The following GANC variants were observed in gnomAD, a reference collection of about 807,000 sequenced individuals.
GANC encodes neutral alpha-glucosidase C.
GANC carries 117 observed loss-of-function variants against 124.2 expected under a neutral mutation model. The ratio of observed to expected loss-of-function variants is 0.94; its 90% confidence interval spans 0.81 to 1.10. The LOEUF (loss-of-function observed/expected upper bound fraction) is 1.10. GANC is among the 50% of genes least tolerant of loss of function. The pLI, the probability that GANC is intolerant of heterozygous loss-of-function variation, is 0.00. For synonymous variants in GANC, 377 were observed against 376.8 expected, an observed-to-expected ratio of 1.00 and a Z score of -0.01; for missense variants, 1,140 against 1,095.0, an observed-to-expected ratio of 1.04 and a Z score of -0.58.
At chr15:42,342,371 G>A (rs1191083927) in intron 18 of GANC, among the ~76,000 whole-genome samples, 1 of 152,074 alleles carries the variant, frequency 6.6e-6, no homozygotes, top group African/African-American at 2.4e-5. Flanking sequence ...CGCTTAAATT[G>A]AGGAGTTTGA....
rs768144382 is a variant in GANC, at chr15:42,352,060, A to G, written c.2666A>G (p.Tyr889Cys). The change falls in exon 24 of 24, where the codon TAT becomes TGT. Residue 889 changes from tyrosine (Y) to cysteine (C), a missense_variant. Transcript: ENST00000318010. ...AAAGATCAGCCTGTGGCTTTTACGT[A>G]TTGTGCCAAAACATCCATCCTGAGC... ...DGKDQPVAFT[Y>C]CAKTSILSLE... The G allele has an allele frequency of 3.1e-6, 5 of 1,614,118 alleles. No individual in the cohort carries two copies. Among genetic ancestry groups the G allele is most frequent in the Non-Finnish European group, 3.4e-6 (4 of 1,180,004 alleles).
At chr15:42,288,799 T>C (rs1230269732) in intron 4 of GANC, among the ~76,000 whole-genome samples, 1 of 152,182 alleles carries the variant, frequency 6.6e-6, no homozygotes, top group Admixed American at 6.5e-5. Flanking sequence ...GTTGGGGTTA[T>C]CGGCATGAGC....
intron 5 of GANC, among the ~76,000 whole-genome samples, chr15:42,296,302 A>G (rs950680122): frequency 3.3e-5 from 5 of 152,134 alleles, no homozygotes; most frequent in Non-Finnish European, 2.9e-5. Context: ...TGGTGTTAGC[A>G]TAGTATATCT....
chr15:42,345,283 C>A (rs1332523772), intron 19 of GANC, among the ~76,000 whole-genome samples: 2 of 148,308 alleles, frequency 1.3e-5, no homozygotes, highest in African/African-American at 4.9e-5. Context: ...ATGTTTCCTT[C>A]TCTGATGCTT....
intron 11 of GANC, among the ~76,000 whole-genome samples, chr15:42,324,444 G>A: frequency 6.6e-6 from 1 of 152,094 alleles, no homozygotes; most frequent in Non-Finnish European, 1.5e-5. Context: ...TATACCCAAA[G>A]GAACTGGAAG....
chr15:42,313,659 A>G (rs1349913369), intron 10 of GANC: 1 of 176,228 alleles, frequency 5.7e-6, no homozygotes, highest in Admixed American at 5.8e-5. Flanking sequence ...TGGGCACCAT[A>G]TCACAGAGCA....
At chr15:42,305,912 G>C (rs1019477053) in intron 6 of GANC, among the ~76,000 whole-genome samples, 4 of 152,014 alleles carry the variant, frequency 2.6e-5, no homozygotes. Context: ...ATGGACACAG[G>C]GAGGGGAACA....
In GANC at chr15:42,321,829, T is replaced by C; in HGVS notation, c.1102T>C (p.Cys368Arg). The C allele has an allele frequency of 1.2e-6, 2 of 1,614,208 alleles. No individual in the cohort carries two copies. Among genetic ancestry groups the C allele is most frequent in the Non-Finnish European group, 1.7e-6 (2 of 1,180,028 alleles). The change falls in exon 11 of 24, where the codon TGC (cysteine) becomes CGC (arginine). Residue 368 changes from cysteine (C) to arginine (R), a missense_variant. By Grantham distance (180) the Cys-to-Arg change is radical. Coordinates refer to ENST00000318010, the MANE Select transcript of GANC (RefSeq NM_198141.3). ...TCTTTTCTCTTTGGGATACCACCAG[T>C]GCCGCTGGAACTATGAAGATGAGCA... ...PPLFSLGYHQ[C>R]RWNYEDEQDV... is the part of the protein sequence containing the mutation.
intron 3 of GANC, among the ~76,000 whole-genome samples, chr15:42,278,868 G>A (rs994023850): frequency 6.6e-6 from 1 of 152,058 alleles, no homozygotes; most frequent in Non-Finnish European, 1.5e-5. Context: ...AGTGGTGTAT[G>A]CCTGTAGTCC....
Position 42,310,327 on chromosome 15 carries a change from A to T in GANC, c.767A>T (p.Tyr256Phe), listed in dbSNP as rs1385435184. The T allele has an allele frequency of 6.2e-7, 1 of 1,612,738 alleles. No homozygotes were observed. The highest frequency in any genetic ancestry group is 1.3e-5 in the African/African-American group (1 of 74,914). ...YRLYNLDVYG[Y>F]QIYDKMGIYG... The stretch of plus-strand genomic sequence containing the variant: ...CTTTATAACCTGGATGTCTATGGAT[A>T]CCAAATATATGATAAAATGGGCATT... Residue 256 changes from tyrosine (Y) to phenylalanine (F), a missense_variant, in exon 9 of 24, where the codon TAC becomes TTC. Physicochemically the swap from Tyr to Phe is conservative, Grantham distance 22. Transcript: ENST00000318010.
At chr15:42,295,995 T>A (rs1415645136) in intron 5 of GANC, among the ~76,000 whole-genome samples, 2 of 151,918 alleles carry the variant, frequency 1.3e-5, no homozygotes, top group East Asian at 1.9e-4. Context: ...TACAAAAAAA[T>A]TAGCTAGGCA....
At chr15:42,292,528 C>T (rs147795345) in intron 4 of GANC, among the ~76,000 whole-genome samples, 28 of 151,870 alleles carry the variant, frequency 1.8e-4, no homozygotes, top group Non-Finnish European at 3.8e-4. Flanking sequence ...CTTTGTTATC[C>T]GAAGTTATAA....
intron 15 of GANC, among the ~76,000 whole-genome samples, chr15:42,332,713 C>T (rs2052255585): frequency 6.6e-6 from 1 of 151,800 alleles, no homozygotes; most frequent in Non-Finnish European, 1.5e-5. Context: ...AGAACAATCC[C>T]TGGAAAATAT....
intron 15 of GANC, 142 bp downstream of exon 15, chr15:42,330,814 G>A: frequency 1.8e-6 from 1 of 568,786 alleles, no homozygotes; most frequent in Non-Finnish European, 2.9e-6. Context: ...TTGAAACAGA[G>A]TCTCGCTTTG....
intron 8 of GANC, 89 bp downstream of exon 8, chr15:42,308,407 A>G: frequency 1.2e-6 from 1 of 811,464 alleles, no homozygotes; most frequent in Non-Finnish European, 2.1e-6. Flanking sequence ...AGCCAGTGCT[A>G]ATATGTGCCA....
At chr15:42,275,211 C>CA (rs2141007416) in intron 1 of GANC, among the ~76,000 whole-genome samples, 1 of 152,174 alleles carries the variant, frequency 6.6e-6, no homozygotes, top group Non-Finnish European at 1.5e-5. Context: ...CCTGTCTCTA[C>CA]AAAAATTTTA....
intron 3 of GANC, among the ~76,000 whole-genome samples, chr15:42,286,398 TGA>T (rs772242771): frequency 1.3e-5 from 2 of 152,212 alleles, no homozygotes; most frequent in African/African-American, 2.4e-5. Flanking sequence ...GAATGGAATT[TGA>T]GAGAGCAATG....
rs150219320 is a variant in GANC, at chr15:42,275,142, T to C, written c.29+632T>C. Among the ~76,000 whole-genome samples, 163 of 152,218 alleles carry C rather than the reference T, an allele frequency of 1.1e-3. 1 individual carries two copies. Among genetic ancestry groups the C allele is most frequent in the African/African-American group, 3.8e-3 (156 of 41,524 alleles). ...TAATCCCAGCACTTTGGGAGGCCTA[T>C]AGGTGGGCAGATTGCTTGAACCCAG... On this transcript the variant is annotated intron_variant, in intron 1 of 23. Coordinates refer to ENST00000318010, the MANE Select transcript of GANC (RefSeq NM_198141.3).
At chr15:42,294,731 G>A (rs1006244672) in intron 5 of GANC, among the ~76,000 whole-genome samples, 2 of 150,914 alleles carry the variant, frequency 1.3e-5, no homozygotes, top group Admixed American at 6.6e-5. Context: ...GCTTTTTTCT[G>A]TTAACAATGT....
Sources: gnomAD v4.1 joint callset for allele counts (sites outside exome capture counted in the v4.1 genomes callset) on GRCh38, gnomAD v4.1.1 for gene constraint, MANE v1.5 for transcripts, NCBI Gene and HGNC (gene_info 2026-07-23, HGNC 2026-07-21) for gene names.